The following EDAR variants were observed in gnomAD, a reference collection of about 807,000 sequenced individuals.
The protein encoded by EDAR is ectodysplasin A receptor.
EDAR carries 38 observed loss-of-function variants against 51.3 expected under a neutral mutation model. The ratio of observed to expected loss-of-function variants is 0.74; its 90% confidence interval spans 0.57 to 0.97. The LOEUF (loss-of-function observed/expected upper bound fraction) is 0.97, where lower values mean the gene tolerates loss of function less well. Ranked by LOEUF, EDAR falls within the 50% of genes least tolerant of loss-of-function variation. EDAR has a pLI of 0.00. For missense variants in EDAR, 528 were observed against 595.0 expected, an observed-to-expected ratio of 0.89 and a Z score of 1.17; for synonymous variants, 227 against 242.1, an observed-to-expected ratio of 0.94 and a Z score of 0.58.
rs569140225 is a variant in EDAR at position 108,983,333 on chromosome 2, T to G, written c.-19+5627A>C. Among the ~76,000 whole-genome samples, 5 of 152,310 alleles carry G rather than the reference T, an allele frequency of 3.3e-5. No individual in the cohort carries two copies. The South Asian group carries it at 1.0e-3, about 32-fold the overall frequency. On this transcript the variant is annotated intron_variant, in intron 1 of 11. Coordinates refer to ENST00000258443, the MANE Select transcript of EDAR (RefSeq NM_022336.4). The stretch of plus-strand genomic sequence containing the variant: ...TAAAGTACCTTTTAGGGATGCTCAG[T>G]GCATTTCCATATTTTTAAGGATTAG...
At chr2:108,929,072 G>C in intron 4 of EDAR, 126 bp downstream of exon 4, 2 of 1,129,078 alleles carry the variant, frequency 1.8e-6, no homozygotes, top group East Asian at 2.5e-5. Context: ...TGGGACCAAG[G>C]CCAGGTGTGC....
intron 1 of EDAR, among the ~76,000 whole-genome samples, chr2:108,960,306 T>A (rs369242075): frequency 6.6e-6 from 1 of 152,198 alleles, no homozygotes; most frequent in African/African-American, 2.4e-5. Flanking sequence ...TCCTAGGAGA[T>A]TGTCTGAACA....
chr2:108,913,653 T>TA (rs1696971768), intron 5 of EDAR, among the ~76,000 whole-genome samples: 1 of 152,038 alleles, frequency 6.6e-6, no homozygotes, highest in Non-Finnish European at 1.5e-5. Flanking sequence ...AGGCTGGTGA[T>TA]AAAAGTGTAT....
chr2:108,907,666 ACT>A (rs1696837231), intron 10 of EDAR, among the ~76,000 whole-genome samples, 192 bp downstream of exon 10: 2 of 151,214 alleles, frequency 1.3e-5, no homozygotes, highest in Admixed American at 6.6e-5. Flanking sequence ...AAAAAACAAA[ACT>A]CAAAAACGAA....
chr2:108,929,428 C>T lies in EDAR; in HGVS notation c.175-49G>A, dbSNP rs771464424. ...GACACAGGTGAGTGCAGCAGCCAAA[C>T]CATACGGACTCGGCCCACAGTCCTT... is the stretch of plus-strand genomic sequence containing the variant. On this transcript the variant is annotated intron_variant, in intron 3 of 11. Coordinates refer to ENST00000258443, the MANE Select transcript of EDAR (RefSeq NM_022336.4). The T allele has an allele frequency of 5.7e-6, 9 of 1,591,692 alleles. No homozygotes were observed. The Admixed American group carries it at 1.0e-4, about 18-fold the overall frequency.
intron 4 of EDAR, among the ~76,000 whole-genome samples, chr2:108,926,676 C>T (rs1697262398): frequency 6.6e-6 from 1 of 152,222 alleles, no homozygotes; most frequent in African/African-American, 2.4e-5. Context: ...TCCCACACAA[C>T]CTCTCCCAAC....
At position 108,895,500 on chromosome 2, in the gene EDAR, G is replaced by A. The variant is rs1696566011; in HGVS notation, c.*1407C>T. ...GTTTATTAACTTTCTGCCTATAAAT[G>A]TTATGTCAAACCATTGCAGTTATTG... On this transcript the variant is annotated 3_prime_UTR_variant, in exon 12 of 12. Coordinates refer to ENST00000258443, the MANE Select transcript of EDAR (RefSeq NM_022336.4). The A allele has an allele frequency of 6.6e-6, 1 of 152,184 alleles. No individual in the cohort carries two copies. Among genetic ancestry groups the A allele is most frequent in the African/African-American group, 2.4e-5 (1 of 41,412 alleles). 9.4% of individuals were successfully genotyped at this position (152,184 alleles called of 1,614,324 possible). A position where few individuals can be genotyped will look rare whatever the true frequency, so the allele number is the denominator to read the frequency against.
chr2:108,976,760 T>C (rs912244875), intron 1 of EDAR, among the ~76,000 whole-genome samples: 1 of 152,242 alleles, frequency 6.6e-6, no homozygotes, highest in African/African-American at 2.4e-5. Context: ...GGAGCTCTTT[T>C]AGTTGGTTTG....
At chr2:108,909,448 A>ATAGGAAGATCATGGAATCG (rs1408789781) in intron 9 of EDAR, among the ~76,000 whole-genome samples, 1 of 152,190 alleles carries the variant, frequency 6.6e-6, no homozygotes, top group African/African-American at 2.4e-5. Context: ...AAGGTGAATC[A>ATAGGAAGATCATGGAATCG]TAGGAAGATC....
intron 4 of EDAR, among the ~76,000 whole-genome samples, chr2:108,927,524 G>A (rs1472025869): frequency 6.6e-6 from 1 of 152,180 alleles, no homozygotes; most frequent in Non-Finnish European, 1.5e-5. Flanking sequence ...TGGCCTTCGG[G>A]TACTGATGGA....
At chr2:108,948,857 C>T (rs528672790) in intron 1 of EDAR, among the ~76,000 whole-genome samples, 39 of 152,218 alleles carry the variant, frequency 2.6e-4, no homozygotes, top group African/African-American at 8.4e-4. Flanking sequence ...GTGGCTCATG[C>T]GTATAATCCC....
chr2:108,903,603 T>C (rs1176645453), intron 11 of EDAR, among the ~76,000 whole-genome samples: 1 of 152,102 alleles, frequency 6.6e-6, no homozygotes, highest in Non-Finnish European at 1.5e-5. Context: ...TATACAAATA[T>C]GCCAAACTGA....
At chr2:108,936,430 A>G (rs988802320) in intron 1 of EDAR, among the ~76,000 whole-genome samples, 1 of 152,094 alleles carries the variant, frequency 6.6e-6, no homozygotes, top group African/African-American at 2.4e-5. Flanking sequence ...GGCGGGAGGC[A>G]AGGTGCTGGC....
intron 1 of EDAR, among the ~76,000 whole-genome samples, chr2:108,988,438 C>T (rs1488384524): frequency 2.0e-5 from 3 of 152,164 alleles, no homozygotes; most frequent in African/African-American, 7.2e-5. Flanking sequence ...CCCTCCTTCT[C>T]TCCCTCTCCC....
At chr2:108,986,888 C>G (rs11687181) in intron 1 of EDAR, among the ~76,000 whole-genome samples, 35,898 of 152,070 alleles carry the variant, frequency 0.24, 5,945 homozygotes, top group East Asian at 0.84. Context: ...GCTTTTGTCC[C>G]CTAATTGATC....
Position 108,971,873 on chromosome 2 carries a change from A to G in EDAR, c.-19+17087T>C, listed in dbSNP as rs146225334. Among the ~76,000 whole-genome samples, 1,102 of 152,292 alleles carry G rather than the reference A, an allele frequency of 7.2e-3. 8 individuals are homozygous for G. Among genetic ancestry groups the G allele is most frequent in the South Asian group, 0.028 (136 of 4,822 alleles). ...AAAAAAGGGCAGAAGAGACGGTGCA[A>G]TTACAGAGACCAGGTCACCAAAGGC... is the stretch of plus-strand genomic sequence containing the variant. On this transcript the variant is annotated intron_variant, in intron 1 of 11. Transcript: ENST00000258443.
At chr2:108,936,079 A>T (rs1465563196) in intron 1 of EDAR, among the ~76,000 whole-genome samples, 2 of 152,214 alleles carry the variant, frequency 1.3e-5, no homozygotes, top group Non-Finnish European at 2.9e-5. Flanking sequence ...CGGCTGGCAG[A>T]TGGTCCAGCC....
chr2:108,897,166 G>A lies in EDAR; in HGVS notation c.1088C>T (p.Thr363Met), dbSNP rs201979277. The change falls in exon 12 of 12, where the codon ACG becomes ATG. Residue 363 changes from threonine (T) to methionine (M), a missense_variant. By Grantham distance (81) the Thr-to-Met change is moderately conservative. Transcript: ENST00000258443. The stretch of plus-strand genomic sequence containing the variant: ...CACAACAGCCTTCTCAGAGTTGTAC[G>A]TGGAGCTGAGCATTCGGCTAGTCTT... ...LEKTSRMLSS[T>M]YNSEKAVVKT... is the part of the protein sequence containing the mutation. 1.2e-5 allele frequency: 20 copies of A among 1,613,878 alleles called. No homozygotes were observed. Among genetic ancestry groups the A allele is most frequent in the East Asian group, 4.5e-5 (2 of 44,872 alleles).
intron 1 of EDAR, among the ~76,000 whole-genome samples, chr2:108,955,685 G>A (rs1487920518): frequency 1.3e-5 from 2 of 150,886 alleles, no homozygotes; most frequent in East Asian, 2.0e-4. Flanking sequence ...TAGCCTGGGC[G>A]ACAGAGTGAG....
Sources: gnomAD v4.1 joint callset for allele counts (sites outside exome capture counted in the v4.1 genomes callset) on GRCh38, gnomAD v4.1.1 for gene constraint, MANE v1.5 for transcripts, NCBI Gene and HGNC (gene_info 2026-07-23, HGNC 2026-07-21) for gene names.